SLC25A43: variants seen among roughly 807,000 people sequenced by gnomAD.
The protein encoded by SLC25A43 is solute carrier family 25 member 43.
In SLC25A43, 10 loss-of-function variants were observed where a neutral mutation model predicts 22.8. The ratio of observed to expected loss-of-function variants is 0.44; its 90% CI spans 0.27 to 0.74. The LOEUF is 0.74. Ranked by LOEUF, SLC25A43 falls within the 30% of genes least tolerant of loss-of-function variation. The pLI, the probability that SLC25A43 is intolerant of heterozygous loss-of-function variation, is 0.17. For missense variants in SLC25A43, 233 were observed against 279.1 expected (o/e 0.83, Z 1.18); for synonymous variants, 106 against 121.6 (o/e 0.87, Z 0.84).
intron 3 of SLC25A43, among the ~76,000 whole-genome samples, chrX:119,415,307 G>A: frequency 9.0e-6 from 1 of 111,089 alleles, no homozygotes; most frequent in East Asian, 2.9e-4. Flanking sequence ...CTGGACTCAA[G>A]CAATCCTACC....
chrX:119,410,088 GC>G, intron 2 of SLC25A43, 101 bp from the exon 3 acceptor site: 1 of 933,022 alleles, frequency 1.1e-6, no homozygotes. Context: ...CAACCCCAGA[GC>G]CCCTCCTGTT....
intron 3 of SLC25A43, among the ~76,000 whole-genome samples, chrX:119,417,489 G>A (rs1420409088): frequency 9.2e-6 from 1 of 109,000 alleles, no homozygotes; most frequent in Non-Finnish European, 1.9e-5. Flanking sequence ...AAATGGGACG[G>A]GTAAGGGTCC....
intron 3 of SLC25A43, 112 bp downstream of exon 3, chrX:119,410,474 C>A: frequency 1.2e-6 from 1 of 835,082 alleles, no homozygotes; most frequent in Non-Finnish European, 1.7e-6. Flanking sequence ...CAAGGAGCTT[C>A]TGACTGCTCA....
At chrX:119,415,967 C>T (rs1261208271) in intron 3 of SLC25A43, among the ~76,000 whole-genome samples, 1 of 100,634 alleles carries the variant, frequency 9.9e-6, no homozygotes, top group African/African-American at 3.7e-5. Context: ...GTATTTGTGC[C>T]ACCACACTCC....
At chrX:119,444,301 T>C (rs2052646936) in intron 3 of SLC25A43, among the ~76,000 whole-genome samples, 1 of 111,701 alleles carries the variant, frequency 9.0e-6, no homozygotes, top group Non-Finnish European at 1.9e-5. Context: ...TATTTATTAC[T>C]AATAATGTCT....
intron 3 of SLC25A43, among the ~76,000 whole-genome samples, chrX:119,414,508 C>G (rs747687332): frequency 8.2e-5 from 9 of 109,988 alleles, no homozygotes; most frequent in African/African-American, 3.0e-4. Flanking sequence ...ATTACAGGCA[C>G]CTGCCACCAT....
intron 3 of SLC25A43, among the ~76,000 whole-genome samples, chrX:119,431,482 C>T (rs189082155): frequency 3.1e-5 from 3 of 98,333 alleles, no homozygotes; most frequent in African/African-American, 1.2e-4. Context: ...CACTGCACTT[C>T]AGCCCGGAAG....
At chrX:119,425,013 C>T (rs933741863) in intron 3 of SLC25A43, among the ~76,000 whole-genome samples, 4 of 111,895 alleles carry the variant, frequency 3.6e-5, no homozygotes, top group Non-Finnish European at 5.6e-5. Flanking sequence ...ACACTCAGAG[C>T]ATAACGAGCC....
intron 3 of SLC25A43, among the ~76,000 whole-genome samples, chrX:119,434,056 G>A (rs1337874492): frequency 9.0e-6 from 1 of 111,609 alleles, no homozygotes. Flanking sequence ...AAAGATGATG[G>A]TGGCTTGGAC....
At chrX:119,399,792 C>A in intron 1 of SLC25A43, 114 bp downstream of exon 1, 1 of 845,556 alleles carries the variant, frequency 1.2e-6, no homozygotes, top group Non-Finnish European at 1.5e-6. Context: ...AGGGACGGCC[C>A]CCTTGTCGAT....
At chrX:119,414,110 T>C (rs765944446) in intron 3 of SLC25A43, among the ~76,000 whole-genome samples, 1 of 112,434 alleles carries the variant, frequency 8.9e-6, no homozygotes, top group East Asian at 2.8e-4. Context: ...TAATTGTCAC[T>C]TTTTAAATCA....
chrX:119,433,633 T>C (rs1411535058), intron 3 of SLC25A43, among the ~76,000 whole-genome samples: 1 of 112,319 alleles, frequency 8.9e-6, no homozygotes, highest in African/African-American at 3.2e-5. Context: ...AATTGGGAAT[T>C]GTTGAAGGCT....
At position 119,427,536 on chromosome X, in the gene SLC25A43, C is replaced by T. The variant is rs1042615372; in HGVS notation, c.690+17174C>T. Among the ~76,000 whole-genome samples, 77 of 112,405 alleles carry T rather than the reference C, an allele frequency of 6.9e-4. 1 individual carries two copies. Among genetic ancestry groups the T allele is most frequent in the Admixed American group, 4.6e-3 (49 of 10,629 alleles). ...TGTACAAGGACAACTATTTGGGTCCCGGCTATGCCAAGAGAAACATGGGTC... is the reference window on the plus strand; with the variant it reads ...TGTACAAGGACAACTATTTGGGTCCTGGCTATGCCAAGAGAAACATGGGTC... On this transcript the variant is annotated intron_variant, in intron 3 of 4. Coordinates refer to ENST00000217909, the MANE Select transcript of SLC25A43 (RefSeq NM_145305.3).
intron 3 of SLC25A43, among the ~76,000 whole-genome samples, chrX:119,427,952 G>A (rs1312755700): frequency 2.7e-5 from 3 of 112,118 alleles, no homozygotes; most frequent in East Asian, 5.6e-4. Context: ...AAGGTGCAAC[G>A]AGTATATGCT....
At chrX:119,415,779 G>C (rs149779232) in intron 3 of SLC25A43, among the ~76,000 whole-genome samples, 1,519 of 108,682 alleles carry the variant, frequency 0.014, 31 homozygotes, top group African/African-American at 0.048. Flanking sequence ...AGATAGGTAG[G>C]ATCACTTGAG....
intron 3 of SLC25A43, among the ~76,000 whole-genome samples, chrX:119,445,593 C>G (rs966898972): frequency 3.6e-5 from 4 of 111,758 alleles, no homozygotes; most frequent in African/African-American, 1.3e-4. Context: ...AGGCAGGATC[C>G]TGGAGTACAG....
At chrX:119,424,636 T>G (rs764123266) in intron 3 of SLC25A43, among the ~76,000 whole-genome samples, 144 of 103,888 alleles carry the variant, frequency 1.4e-3, no homozygotes, top group African/African-American at 4.7e-3. Context: ...AGAAAATCAA[T>G]ACTTTGCAAG....
intron 3 of SLC25A43, chrX:119,423,362 T>A (rs2052472194): frequency 9.1e-6 from 1 of 110,186 alleles, no homozygotes; most frequent in African/African-American, 3.3e-5. Flanking sequence ...AAACCCCGCC[T>A]CTACTAAAAA....
intron 1 of SLC25A43, 122 bp downstream of exon 1, chrX:119,399,800 G>A: frequency 1.3e-6 from 1 of 792,509 alleles, no homozygotes; most frequent in Non-Finnish European, 1.6e-6. Flanking sequence ...CCCCCTTGTC[G>A]ATCACCTGGG....
Sources: allele counts gnomAD v4.1 joint callset (sites outside exome capture counted in the v4.1 genomes callset), GRCh38; gene constraint gnomAD v4.1.1; transcripts MANE v1.5; gene names NCBI Gene and HGNC (gene_info 2026-07-23, HGNC 2026-07-21).